CCDC175: variants seen among roughly 807,000 people sequenced by gnomAD.
CCDC175 encodes coiled-coil domain containing 175.
Under a neutral mutation model 114.6 loss-of-function variants are expected in CCDC175, and 100 were observed. The observed-to-expected ratio is 0.87, with a 90% CI of 0.74 to 1.03. CCDC175 has a LOEUF of 1.03. Among genes scored for constraint, CCDC175 ranks in the 50% least tolerant of loss-of-function variants. The pLI is 0.00. For missense variants in CCDC175, 880 were observed against 917.8 expected (o/e 0.96, Z 0.53); for synonymous variants, 306 against 308.7 (o/e 0.99, Z 0.09).
chr14:59,541,757 T>C (rs1404886664), intron 10 of CCDC175, among the ~76,000 whole-genome samples: 2 of 152,302 alleles, frequency 1.3e-5, no homozygotes, highest in South Asian at 2.1e-4. Context: ...CCTAAATGGA[T>C]AATAACATTG....
chr14:59,525,235 T>A, intron 16 of CCDC175, 47 bp downstream of exon 16: 1 of 1,275,204 alleles, frequency 7.8e-7, no homozygotes, highest in Non-Finnish European at 1.0e-6. Flanking sequence ...ACAGGTCTAG[T>A]CAATTAATCA....
Position 59,551,427 on chromosome 14 carries a change from G to GA in CCDC175, c.962dup (p.Thr322HisfsTer3). 1 of 1,431,206 alleles carries GA rather than the reference G, an allele frequency of 7.0e-7. No homozygotes were observed. The highest frequency in any genetic ancestry group is 1.4e-5 in the South Asian group (1 of 74,020). The allele number at this position is 1,431,206 out of a possible 1,614,324, so 88.7% of individuals were successfully genotyped here. On this transcript the variant is annotated frameshift_variant, in exon 8 of 20. Coordinates refer to ENST00000537690, the MANE Select transcript of CCDC175 (RefSeq NM_001164399.2). LOFTEE classifies it high-confidence loss of function. ...CATCTAGTTTTTCTTTGTTATCTGT[G>GA]AAAAAACACCTATGAACAAAGGAAG...
chr14:59,537,888 C>T, intron 13 of CCDC175, 135 bp downstream of exon 13: 1 of 552,238 alleles, frequency 1.8e-6, no homozygotes, highest in African/African-American at 1.9e-5. Flanking sequence ...AAGAAAGATC[C>T]AGAATGAAAT....
At chr14:59,542,672 CTCTT>C (rs1894855201) in intron 10 of CCDC175, among the ~76,000 whole-genome samples, 1 of 151,910 alleles carries the variant, frequency 6.6e-6, no homozygotes, top group African/African-American at 2.4e-5. Context: ...TATATATATT[CTCTT>C]TGTTTTGAAA....
At position 59,515,167 on chromosome 14, in the gene CCDC175, C is replaced by T. The variant is rs562786120; in HGVS notation, c.2099-3364G>A. ...GCCCTACAAGAGCTCCTGAAGGAAG[C>T]ACTAAACATGGAAAGGAACAACTGG... is the stretch of plus-strand genomic sequence containing the variant. On this transcript the variant is annotated intron_variant, in intron 17 of 19. Transcript: ENST00000537690. 4.4e-3 allele frequency among the ~76,000 whole-genome samples: 671 copies of T among 152,224 alleles called. 2 individuals are homozygous for T. Among genetic ancestry groups the T allele is most frequent in the African/African-American group, 0.015 (632 of 41,536 alleles).
chr14:59,568,135 C>A, intron 4 of CCDC175, 110 bp downstream of exon 4: 1 of 1,133,978 alleles, frequency 8.8e-7, no homozygotes, highest in Non-Finnish European at 1.2e-6. Flanking sequence ...ATCTTCACCT[C>A]TCAACTCGCC....
At chr14:59,533,859 T>G (rs1470943743) in intron 13 of CCDC175, among the ~76,000 whole-genome samples, 3 of 151,848 alleles carry the variant, frequency 2.0e-5, no homozygotes, top group Non-Finnish European at 2.9e-5. Context: ...CCTGGTGGCA[T>G]GCACCTGTAG....
At chr14:59,549,402 A>ATTCAGCAGGC (rs1895317617) in intron 8 of CCDC175, among the ~76,000 whole-genome samples, 1 of 152,190 alleles carries the variant, frequency 6.6e-6, no homozygotes, top group Non-Finnish European at 1.5e-5. Context: ...AGTCTCAGCT[A>ATTCAGCAGGC]TTCAGCAGGC....
In CCDC175 at chr14:59,531,910, C is replaced by A; in HGVS notation, c.1624G>T (p.Glu542Ter). The change falls in exon 14 of 20, where the codon GAA becomes TAA. Residue 542 changes from glutamate to a stop codon, truncating the protein, a stop_gained and splice_region_variant. Coordinates refer to ENST00000537690, the MANE Select transcript of CCDC175 (RefSeq NM_001164399.2). LOFTEE classifies it high-confidence loss of function. The stretch of plus-strand genomic sequence containing the variant: ...ATTTGTGTTTCCTTAACAAATATTT[C>A]CTTTAAAGAAAATAAAATCAATTGA... ...MLMKELSKYE[E>*]IFVKETQINK... is the part of the protein sequence containing the mutation. The A allele has an allele frequency of 8.9e-7, 1 of 1,129,142 alleles. No homozygotes were observed. Among genetic ancestry groups the A allele is most frequent in the African/African-American group, 1.6e-5 (1 of 63,494 alleles). 69.9% of individuals were successfully genotyped at this position (1,129,142 alleles called of 1,614,324 possible).
chr14:59,574,080 C>A (rs761149532), intron 2 of CCDC175, among the ~76,000 whole-genome samples: 17 of 152,256 alleles, frequency 1.1e-4, no homozygotes, highest in Non-Finnish European at 2.1e-4. Context: ...CAGAGCTGCA[C>A]AACACACATG....
At chr14:59,519,726 A>T (rs1893314295) in intron 17 of CCDC175, among the ~76,000 whole-genome samples, 1 of 152,178 alleles carries the variant, frequency 6.6e-6, no homozygotes, top group South Asian at 2.1e-4. Context: ...CACTTCTTCC[A>T]TTGAGAGGTG....
At chr14:59,558,930 G>A (rs78145948) in intron 7 of CCDC175, among the ~76,000 whole-genome samples, 5,011 of 152,232 alleles carry the variant, frequency 0.033, 119 homozygotes, top group Middle Eastern at 0.048. Flanking sequence ...AGCAGCCAGT[G>A]TGATCAGTGA....
intron 6 of CCDC175, among the ~76,000 whole-genome samples, chr14:59,563,041 A>G (rs1180537128): frequency 6.6e-6 from 1 of 152,214 alleles, no homozygotes; most frequent in Non-Finnish European, 1.5e-5. Context: ...CAAGACACAT[A>G]GAAAAAATAC....
chr14:59,562,406 T>C (rs568529146), intron 6 of CCDC175, among the ~76,000 whole-genome samples: 3 of 152,324 alleles, frequency 2.0e-5, no homozygotes, highest in East Asian at 1.9e-4. Context: ...CTACCAAATA[T>C]AATGCACTTA....
At chr14:59,517,603 C>T (rs1164902508) in intron 17 of CCDC175, among the ~76,000 whole-genome samples, 1 of 152,148 alleles carries the variant, frequency 6.6e-6, no homozygotes, top group Non-Finnish European at 1.5e-5. Flanking sequence ...CCTAGGAATC[C>T]AACTTACAAG....
intron 19 of CCDC175, among the ~76,000 whole-genome samples, chr14:59,508,928 C>T (rs557757724): frequency 6.6e-6 from 1 of 152,122 alleles, no homozygotes; most frequent in South Asian, 2.1e-4. Flanking sequence ...TATGGTAGCC[C>T]GAACGAACTA....
At chr14:59,554,894 C>G (rs887978876) in intron 7 of CCDC175, among the ~76,000 whole-genome samples, 17 of 152,148 alleles carry the variant, frequency 1.1e-4, no homozygotes, top group Non-Finnish European at 2.2e-4. Flanking sequence ...TCGACACATA[C>G]ACCCTCCGAA....
intron 7 of CCDC175, among the ~76,000 whole-genome samples, chr14:59,560,710 C>T (rs1048466918): frequency 6.6e-6 from 1 of 152,120 alleles, no homozygotes; most frequent in African/African-American, 2.4e-5. Flanking sequence ...TGAGGCTTCC[C>T]TGTATTTTCT....
chr14:59,546,558 C>T (rs1895122671), intron 8 of CCDC175, among the ~76,000 whole-genome samples: 1 of 152,184 alleles, frequency 6.6e-6, no homozygotes, highest in South Asian at 2.1e-4. Context: ...ACTTAAAATT[C>T]CTCTGCCTTG....
Sources: gnomAD v4.1 joint callset for allele counts (sites outside exome capture counted in the v4.1 genomes callset) on GRCh38, gnomAD v4.1.1 for gene constraint, MANE v1.5 for transcripts, NCBI Gene and HGNC (gene_info 2026-07-23, HGNC 2026-07-21) for gene names.